Variants in STK33 observed in about 807,000 individuals in gnomAD.
STK33 encodes the protein serine/threonine kinase 33, also known as serine/threonine-protein kinase 33.
STK33 carries 52 observed loss-of-function variants against 58.0 expected under a neutral mutation model. The ratio of observed to expected loss-of-function variants is 0.90; its 90% CI spans 0.72 to 1.13. The LOEUF (loss-of-function observed/expected upper bound fraction) is 1.13. STK33 is among the 50% of genes most tolerant of loss of function. The probability of loss-of-function intolerance (pLI) is 0.00; values close to 1 mark genes in which losing one functional copy is unlikely to be tolerated. For synonymous variants in STK33, 215 were observed against 200.1 expected, an observed-to-expected ratio of 1.07 and a Z score of -0.63; for missense variants, 630 against 604.2, an observed-to-expected ratio of 1.04 and a Z score of -0.45.
rs577090812 is a variant in STK33 at position 8,578,598 on chromosome 11, C to T, written c.-466+15485G>A. Reference sequence around the variant, plus strand: ...TATACCACATATGTACATTTTTGTACGTGTAATTCACACACACACACACAT... The same window carrying T: ...TATACCACATATGTACATTTTTGTATGTGTAATTCACACACACACACACAT... On this transcript the variant is annotated intron_variant, in intron 1 of 15. Coordinates refer to ENST00000687296, the MANE Select transcript of STK33 (RefSeq NM_001352389.2). 8.6e-5 allele frequency among the ~76,000 whole-genome samples: 13 copies of T among 151,288 alleles called. No individual in the cohort carries two copies. The East Asian group carries it at 1.5e-3, about 18-fold the overall frequency.
intron 7 of STK33, among the ~76,000 whole-genome samples, chr11:8,463,449 C>T (rs1435238208): frequency 6.6e-6 from 1 of 152,178 alleles, no homozygotes; most frequent in Non-Finnish European, 1.5e-5. Context: ...GCCTGCTGCT[C>T]ATCTCCTGGT....
chr11:8,482,261 T>C (rs1260025110), intron 1 of STK33, among the ~76,000 whole-genome samples: 1 of 152,180 alleles, frequency 6.6e-6, no homozygotes, highest in Non-Finnish European at 1.5e-5. Context: ...GAAGAGTGCA[T>C]GTGGCACCAG....
At chr11:8,585,367 G>A (rs2031357843) in intron 1 of STK33, among the ~76,000 whole-genome samples, 1 of 150,438 alleles carries the variant, frequency 6.6e-6, no homozygotes, top group African/African-American at 2.4e-5. Context: ...TGGGACTACA[G>A]GCGCCCACTA....
intron 1 of STK33, among the ~76,000 whole-genome samples, chr11:8,528,712 A>G (rs766334559): frequency 2.0e-5 from 3 of 152,368 alleles, no homozygotes; most frequent in East Asian, 3.9e-4. Context: ...TTCTGTGGCC[A>G]TATCCCTTTG....
intron 11 of STK33, among the ~76,000 whole-genome samples, chr11:8,450,304 G>A (rs1465578379): frequency 6.6e-6 from 1 of 152,136 alleles, no homozygotes; most frequent in Middle Eastern, 3.4e-3. Flanking sequence ...AGTACCACAG[G>A]AACATAAAAC....
intron 1 of STK33, among the ~76,000 whole-genome samples, chr11:8,546,243 G>C (rs1955902772): frequency 6.6e-6 from 1 of 152,154 alleles, no homozygotes; most frequent in African/African-American, 2.4e-5. Context: ...GTACACTTAG[G>C]CTACACTAAA....
At chr11:8,474,160 A>G (rs1173027445) in intron 5 of STK33, among the ~76,000 whole-genome samples, 1 of 151,842 alleles carries the variant, frequency 6.6e-6, no homozygotes, top group African/African-American at 2.4e-5. Context: ...GGGCAACAAG[A>G]GCAAAACTCC....
intron 1 of STK33, among the ~76,000 whole-genome samples, chr11:8,556,446 G>A (rs1199796560): frequency 6.6e-6 from 1 of 152,112 alleles, no homozygotes; most frequent in African/African-American, 2.4e-5. Context: ...TCATAGACTA[G>A]TACCTAATTA....
intron 1 of STK33, among the ~76,000 whole-genome samples, chr11:8,514,134 G>T (rs933979231): frequency 6.6e-6 from 1 of 152,120 alleles, no homozygotes; most frequent in African/African-American, 2.4e-5. Flanking sequence ...CTATGTTGTT[G>T]CAAATGACAG....
chr11:8,479,878 A>G (rs969495727), intron 2 of STK33, among the ~76,000 whole-genome samples: 1 of 152,138 alleles, frequency 6.6e-6, no homozygotes, highest in African/African-American at 2.4e-5. Context: ...AGCAACCAGA[A>G]GCCAAGGACC....
At chr11:8,467,943 CAA>C (rs372742902) in intron 6 of STK33, among the ~76,000 whole-genome samples, 1 of 140,642 alleles carries the variant, frequency 7.1e-6, no homozygotes, top group African/African-American at 2.6e-5. Flanking sequence ...GACTCCATCT[CAA>C]AAAAAAAAAA....
chr11:8,435,645 T>C (rs1287612952), intron 13 of STK33, 66 bp from the exon 14 acceptor site: 6 of 965,268 alleles, frequency 6.2e-6, no homozygotes, highest in African/African-American at 5.0e-5. Flanking sequence ...CATTTTACAA[T>C]TTTTTAGGAT....
intron 12 of STK33, among the ~76,000 whole-genome samples, chr11:8,438,526 C>G (rs540378191): frequency 1.3e-5 from 2 of 152,190 alleles, no homozygotes; most frequent in South Asian, 2.1e-4. Context: ...TGGGCTCAGA[C>G]AGATTAATGA....
At chr11:8,380,204 C>T in the STK33 span, among the ~76,000 whole-genome samples, 2 of 152,142 alleles carry the variant, frequency 1.3e-5, no homozygotes, top group Admixed American at 6.5e-5. Context: ...GGAATCACCA[C>T]ACTGTTTTCC....
chr11:8,489,942 G>A (rs1484491836), intron 1 of STK33, among the ~76,000 whole-genome samples: 1 of 152,074 alleles, frequency 6.6e-6, no homozygotes, highest in Non-Finnish European at 1.5e-5. Flanking sequence ...AACAACACAG[G>A]ATCCCATTCC....
chr11:8,376,333 G>A, the STK33 span, among the ~76,000 whole-genome samples: 3 of 152,174 alleles, frequency 2.0e-5, no homozygotes, highest in Non-Finnish European at 2.9e-5. Context: ...CTGCACACAC[G>A]TGTGTTCACA....
chr11:8,371,615 C>T, the STK33 span, among the ~76,000 whole-genome samples: 9 of 136,682 alleles, frequency 6.6e-5, no homozygotes, highest in South Asian at 2.4e-4. Flanking sequence ...CTTTCTTTCT[C>T]TTTCTTTTCC....
intron 1 of STK33, among the ~76,000 whole-genome samples, chr11:8,536,972 A>AAATTTT (rs1565305538): frequency 1.5e-5 from 1 of 65,732 alleles, no homozygotes; most frequent in Non-Finnish European, 2.5e-5. Flanking sequence ...AAAAAAAAAG[A>AAATTTT]TTTTTTTTTT....
chr11:8,547,155 T>C (rs1955985758), intron 1 of STK33, among the ~76,000 whole-genome samples: 1 of 152,230 alleles, frequency 6.6e-6, no homozygotes, highest in Non-Finnish European at 1.5e-5. Flanking sequence ...ATTTCCCTTA[T>C]GATTAGCGAT....
Sources: gnomAD v4.1 joint callset for allele counts (sites outside exome capture counted in the v4.1 genomes callset) on GRCh38, gnomAD v4.1.1 for gene constraint, MANE v1.5 for transcripts, NCBI Gene and HGNC (gene_info 2026-07-23, HGNC 2026-07-21) for gene names.